The following LARS2 variants were observed in gnomAD, a reference collection of about 807,000 sequenced individuals.
LARS2 encodes leucyl-tRNA synthetase 2, mitochondrial, also known as leucine--tRNA ligase, mitochondrial.
In LARS2, 81 loss-of-function variants were observed where a neutral mutation model predicts 116.6. That is an observed-to-expected ratio of 0.69 (90% CI 0.58 to 0.84). The LOEUF (loss-of-function observed/expected upper bound fraction) is 0.84, where lower values mean the gene tolerates loss of function less well. Among genes scored for constraint, LARS2 ranks in the 40% least tolerant of loss-of-function variants. The pLI, the probability that LARS2 is intolerant of heterozygous loss-of-function variation, is 0.00. For synonymous variants in LARS2, 396 were observed against 407.2 expected, an observed-to-expected ratio of 0.97 and a Z score of 0.33; for missense variants, 968 against 1,114.5, an observed-to-expected ratio of 0.87 and a Z score of 1.87.
intron 1 of LARS2, chr3:45,389,036 G>A (rs1053175131): frequency 1.3e-5 from 2 of 152,160 alleles, no homozygotes; most frequent in Non-Finnish European, 2.9e-5. Context: ...CCCACAGGTC[G>A]TTTTCACGTT....
rs370579999 is a variant in LARS2 at position 45,485,684 on chromosome 3, A to G, written c.1019-8A>G. On this transcript the variant is annotated splice_polypyrimidine_tract_variant and splice_region_variant and intron_variant, in intron 10 of 21. Coordinates refer to ENST00000645846, the MANE Select transcript of LARS2 (RefSeq NM_015340.4). The stretch of plus-strand genomic sequence containing the variant: ...GTGGCATCCACAGTTATTTGCTCTC[A>G]TTTTCAGATTGCCTCACGCCTGTAA... 6.4e-7 allele frequency: 1 copy of G among 1,560,008 alleles called. No homozygotes were observed. The highest frequency in any genetic ancestry group is 8.8e-7 in the Non-Finnish European group (1 of 1,142,036).
chr3:45,539,517 G>A (rs941804234), intron 20 of LARS2, among the ~76,000 whole-genome samples: 1 of 152,130 alleles, frequency 6.6e-6, no homozygotes, highest in Non-Finnish European at 1.5e-5. Context: ...TATAGTCTCA[G>A]CTACTCAGGA....
chr3:45,463,679 T>C (rs887446025), intron 8 of LARS2, among the ~76,000 whole-genome samples: 3 of 152,064 alleles, frequency 2.0e-5, no homozygotes, highest in African/African-American at 7.2e-5. Context: ...ATTCATTTTT[T>C]TTTTCCTGAG....
chr3:45,442,754 AACC>A (rs1698934643), intron 6 of LARS2, among the ~76,000 whole-genome samples: 1 of 152,206 alleles, frequency 6.6e-6, no homozygotes, highest in Non-Finnish European at 1.5e-5. Context: ...CAACTCACTT[AACC>A]GCCTCCATCT....
At chr3:45,532,913 A>G (rs904474320) in intron 20 of LARS2, among the ~76,000 whole-genome samples, 8 of 152,084 alleles carry the variant, frequency 5.3e-5, no homozygotes, top group African/African-American at 1.4e-4. Context: ...AAGTGCTGGG[A>G]TTACAGGTGT....
At chr3:45,541,386 T>C (rs570171974) in intron 20 of LARS2, among the ~76,000 whole-genome samples, 57 of 152,256 alleles carry the variant, frequency 3.7e-4, no homozygotes, top group African/African-American at 1.3e-3. Context: ...CACTGCATCC[T>C]GGCTCCAGTA....
At chr3:45,511,724 T>G (rs1700293265) in intron 15 of LARS2, among the ~76,000 whole-genome samples, 2 of 151,418 alleles carry the variant, frequency 1.3e-5, no homozygotes, top group Admixed American at 1.3e-4. Context: ...GACCTAAGAA[T>G]AGGATTCCTT....
At chr3:45,397,318 A>G (rs1698064070) in intron 3 of LARS2, among the ~76,000 whole-genome samples, 1 of 152,194 alleles carries the variant, frequency 6.6e-6, no homozygotes, top group Admixed American at 6.5e-5. Flanking sequence ...GACTTAATTC[A>G]TGCAGAAAAG....
At chr3:45,541,519 C>T (rs529782060) in intron 20 of LARS2, 140 of 330,370 alleles carry the variant, frequency 4.2e-4, no homozygotes, top group Non-Finnish European at 4.2e-4. Context: ...GGCATTCCTT[C>T]ACCAGCAGAA....
rs1266440069 is a variant in LARS2, at chr3:45,476,609, G to A, written c.1000G>A (p.Ala334Thr). ...HSSLKEALRMALVPGKDCLTP... is the reference protein window; with the variant it reads ...HSSLKEALRMTLVPGKDCLTP... ...CTCTCTGAAGGAAGCCTTGAGGATG[G>A]CCCTTGTCCCTGGCAAAGGTGAGCT... Residue 334 changes from alanine to threonine, a missense_variant, in exon 10 of 22, where the codon GCC becomes ACC. Coordinates refer to ENST00000645846, the MANE Select transcript of LARS2 (RefSeq NM_015340.4). The A allele has an allele frequency of 1.2e-6, 2 of 1,613,950 alleles. No homozygotes were observed. Among genetic ancestry groups the A allele is most frequent in the East Asian group, 4.5e-5 (2 of 44,888 alleles).
At chr3:45,485,825 C>T (rs371456983) in intron 11 of LARS2, 29 bp downstream of exon 11, 106 of 1,395,588 alleles carry the variant, frequency 7.6e-5, no homozygotes, top group East Asian at 1.2e-4. Flanking sequence ...GTAACCACAA[C>T]GGTATATTTT....
chr3:45,480,468 A>G (rs533936279), intron 10 of LARS2, among the ~76,000 whole-genome samples: 5 of 152,192 alleles, frequency 3.3e-5, no homozygotes, highest in Non-Finnish European at 7.4e-5. Flanking sequence ...AAGGACAGAT[A>G]CCTTTTTGTC....
intron 20 of LARS2, 119 bp downstream of exon 20, chr3:45,524,227 A>G (rs1700502247): frequency 1.5e-6 from 1 of 657,300 alleles, no homozygotes; most frequent in Non-Finnish European, 2.7e-6. Flanking sequence ...TTTGGCATCT[A>G]TACTCAGCAA....
intron 6 of LARS2, among the ~76,000 whole-genome samples, chr3:45,420,192 C>A (rs1256355378): frequency 6.6e-6 from 1 of 152,204 alleles, no homozygotes; most frequent in African/African-American, 2.4e-5. Context: ...TAGACACTTT[C>A]AAACTGTACA....
intron 20 of LARS2, among the ~76,000 whole-genome samples, chr3:45,533,022 G>A (rs960745814): frequency 6.6e-6 from 1 of 152,054 alleles, no homozygotes; most frequent in African/African-American, 2.4e-5. Flanking sequence ...ACCCTTAAGG[G>A]AGGGAGGTAT....
intron 1 of LARS2, chr3:45,388,920 A>T (rs1697891579): frequency 6.6e-6 from 1 of 152,186 alleles, no homozygotes; most frequent in African/African-American, 2.4e-5. Flanking sequence ...ATATACACGT[A>T]GTTTTGTACT....
At chr3:45,465,940 A>G (rs1247795589) in intron 8 of LARS2, among the ~76,000 whole-genome samples, 1 of 152,238 alleles carries the variant, frequency 6.6e-6, no homozygotes, top group East Asian at 1.9e-4. Context: ...TGCTTGGTAC[A>G]TGTACTCCAG....
intron 10 of LARS2, among the ~76,000 whole-genome samples, chr3:45,483,366 A>G (rs956136945): frequency 5.9e-5 from 9 of 152,232 alleles, no homozygotes; most frequent in Non-Finnish European, 1.5e-5. Context: ...GATAGTGTGG[A>G]GGCCAGGTGC....
chr3:45,548,363 A>T lies in LARS2; in HGVS notation c.*833A>T, dbSNP rs1258924883. 2 of 152,326 alleles carry T rather than the reference A, an allele frequency of 1.3e-5. No individual in the cohort carries two copies. Among genetic ancestry groups the T allele is most frequent in the Non-Finnish European group, 2.9e-5 (2 of 68,114 alleles). 9.4% of individuals were successfully genotyped at this position (152,326 alleles called of 1,614,324 possible). Reference sequence around the variant, plus strand: ...GAACCAGGCTCAGGCTGCTGGTCCCAACCTCAGAGCCCCACCGCAGCCCAG... The same window carrying T: ...GAACCAGGCTCAGGCTGCTGGTCCCTACCTCAGAGCCCCACCGCAGCCCAG... On this transcript the variant is annotated 3_prime_UTR_variant, in exon 22 of 22. Coordinates refer to ENST00000645846, the MANE Select transcript of LARS2 (RefSeq NM_015340.4).
Sources: gnomAD v4.1 joint callset for allele counts (sites outside exome capture counted in the v4.1 genomes callset) on GRCh38, gnomAD v4.1.1 for gene constraint, MANE v1.5 for transcripts, NCBI Gene and HGNC (gene_info 2026-07-23, HGNC 2026-07-21) for gene names.